BCAP31: variants seen among roughly 807,000 people sequenced by gnomAD.
BCAP31 encodes the protein B cell receptor associated protein 31, also known as B-cell receptor-associated protein 31.
For synonymous variants in BCAP31, 75 were observed against 80.9 expected, an observed-to-expected ratio of 0.93 and a Z score of 0.39; for missense variants, 124 against 193.0, an observed-to-expected ratio of 0.64 and a Z score of 2.12.
At chrX:153,714,515 CCT>C (rs2091613613) in intron 4 of BCAP31, among the ~76,000 whole-genome samples, 1 of 111,297 alleles carries the variant, frequency 9.0e-6, no homozygotes, top group Non-Finnish European at 1.9e-5. Context: ...TAGCTCCACC[CCT>C]CTTTCCAACT....
intron 3 of BCAP31, among the ~76,000 whole-genome samples, chrX:153,717,970 C>T (rs1454831340): frequency 8.9e-6 from 1 of 111,901 alleles, no homozygotes; most frequent in Non-Finnish European, 1.9e-5. Context: ...TGGATTACGG[C>T]ACAACCACAT....
intron 4 of BCAP31, among the ~76,000 whole-genome samples, chrX:153,714,206 C>T (rs1169509069): frequency 1.9e-5 from 2 of 106,168 alleles, no homozygotes; most frequent in Non-Finnish European, 3.9e-5. Flanking sequence ...TCTTAAAGCT[C>T]TAGATGCTTT....
chrX:153,711,475 C>G (rs781939204), intron 4 of BCAP31, among the ~76,000 whole-genome samples: 13 of 112,556 alleles, frequency 1.2e-4, no homozygotes, highest in African/African-American at 3.2e-4. Flanking sequence ...CTCTACCACG[C>G]AGAAAAGTTG....
intron 5 of BCAP31, among the ~76,000 whole-genome samples, chrX:153,703,723 G>C (rs1459381436): frequency 1.8e-5 from 2 of 112,339 alleles, no homozygotes; most frequent in African/African-American, 6.5e-5. Flanking sequence ...TGGAAGCAGT[G>C]GATGGAAACG....
intron 4 of BCAP31, chrX:153,705,077 T>G (rs2091545271): frequency 8.9e-6 from 1 of 112,268 alleles, no homozygotes; most frequent in Admixed American, 9.4e-5. Context: ...CTCACACACC[T>G]CAGAAGGCAA....
Position 153,700,539 on chromosome X carries a change from G to A in BCAP31, c.*398C>T, listed in dbSNP as rs1489404194. ...TTTATTGCCCTCAAGAGAAACTCCA[G>A]TCCACCTGCTCCACCCACCCTCCTG... On this transcript the variant is annotated 3_prime_UTR_variant, in exon 8 of 8. Coordinates refer to ENST00000345046, the MANE Select transcript of BCAP31 (RefSeq NM_001256447.2). 1 of 154,252 alleles carries A rather than the reference G, an allele frequency of 6.5e-6. No individual in the cohort carries two copies. Among genetic ancestry groups the A allele is most frequent in the Non-Finnish European group, 1.2e-5 (1 of 81,571 alleles). 12.7% of individuals were successfully genotyped at this position (154,252 alleles called of 1,213,427 possible). A position where few individuals can be genotyped will look rare whatever the true frequency, so the allele number is the denominator to read the frequency against.
chrX:153,711,301 C>G (rs1423286058), intron 4 of BCAP31, among the ~76,000 whole-genome samples: 1 of 112,212 alleles, frequency 8.9e-6, no homozygotes, highest in Non-Finnish European at 1.9e-5. Flanking sequence ...TACCACTGTA[C>G]CACTGCCCCC....
Position 153,720,746 on chromosome X carries a change from A to T in BCAP31, c.193+126T>A, listed in dbSNP as rs2091659299. The T allele has an allele frequency of 5.3e-6, 3 of 561,069 alleles. No homozygotes were observed. In the African/African-American group the frequency reaches 6.9e-5, roughly 13 times the overall value. 46.2% of individuals were successfully genotyped at this position (561,069 alleles called of 1,213,427 possible). A position where few individuals can be genotyped will look rare whatever the true frequency, so the allele number is the denominator to read the frequency against. ...CTCTTCCCTCCCTCAAGAGAAAGAC[A>T]CAGCATTTCATTGGTCTGTCTCCTA... On this transcript the variant is annotated intron_variant, in intron 3 of 7. Transcript: ENST00000345046.
chrX:153,720,387 G>T (rs1240199044), intron 3 of BCAP31, among the ~76,000 whole-genome samples: 1 of 104,929 alleles, frequency 9.5e-6, no homozygotes, highest in Non-Finnish European at 2.0e-5. Flanking sequence ...TTTTTGAGAT[G>T]GAGTCTCCCT....
At chrX:153,707,385 G>C (rs1325325483) in intron 4 of BCAP31, among the ~76,000 whole-genome samples, 22 of 110,555 alleles carry the variant, frequency 2.0e-4, no homozygotes, top group African/African-American at 6.9e-4. Context: ...AAAAAAAAAG[G>C]GGGGGAGGGC....
intron 3 of BCAP31, among the ~76,000 whole-genome samples, chrX:153,719,016 T>G (rs1557050570): frequency 4.5e-5 from 5 of 112,266 alleles, no homozygotes. Flanking sequence ...TTCTAGATTA[T>G]GCTTCTTAAC....
chrX:153,702,087 G>C lies in BCAP31; in HGVS notation c.622C>G (p.Gln208Glu). 1.2e-5 allele frequency: 14 copies of C among 1,208,050 alleles called. No individual in the cohort carries two copies. Among genetic ancestry groups the C allele is most frequent in the Non-Finnish European group, 1.6e-5 (14 of 892,520 alleles). ...TKQKLEKAEN[Q>E]VLAMRKQSEG... is the part of the protein sequence containing the mutation. ...GACTGCTTCCGCATGGCCAGAACCTGGTTTTCAGCTTTCTCTAGTTCTTGA... is the reference window on the plus strand; with the variant it reads ...GACTGCTTCCGCATGGCCAGAACCTCGTTTTCAGCTTTCTCTAGTTCTTGA... Residue 208 changes from glutamine (Q) to glutamate (E), a missense_variant, in exon 7 of 8, where the codon CAG becomes GAG. Gln to Glu is a conservative substitution (Grantham distance 29). Coordinates refer to ENST00000345046, the MANE Select transcript of BCAP31 (RefSeq NM_001256447.2).
chrX:153,720,082 G>A (rs2091654315), intron 3 of BCAP31, among the ~76,000 whole-genome samples: 1 of 111,760 alleles, frequency 8.9e-6, no homozygotes, highest in African/African-American at 3.3e-5. Flanking sequence ...TACTACTACA[G>A]GGAATGGCAG....
intron 4 of BCAP31, among the ~76,000 whole-genome samples, chrX:153,707,688 C>A (rs1175872423): frequency 1.8e-5 from 2 of 112,452 alleles, no homozygotes; most frequent in Non-Finnish European, 3.8e-5. Context: ...TTCACTGCCG[C>A]GACCTGAAGG....
At chrX:153,709,709 G>C (rs2091577013) in intron 4 of BCAP31, among the ~76,000 whole-genome samples, 1 of 113,019 alleles carries the variant, frequency 8.8e-6, no homozygotes, top group African/African-American at 3.2e-5. Flanking sequence ...GAAAAGCTGG[G>C]CTTCTTGGCT....
At chrX:153,711,686 A>T (rs1316406147) in intron 4 of BCAP31, among the ~76,000 whole-genome samples, 1 of 111,117 alleles carries the variant, frequency 9.0e-6, no homozygotes, top group Non-Finnish European at 1.9e-5. Flanking sequence ...GGCAGATCAC[A>T]TGAGGCCAGG....
rs782373950 is a variant in BCAP31, at chrX:153,706,045, G to A, written c.342-1951C>T. ...GGCCAGGGCATACACAAAGTCCAGC[G>A]CAAGATCCACGCTGTGTGTGTCCGA... is the stretch of plus-strand genomic sequence containing the variant. On this transcript the variant is annotated intron_variant, in intron 4 of 7. Transcript: ENST00000345046. 3.3e-4 allele frequency among the ~76,000 whole-genome samples: 37 copies of A among 111,776 alleles called. 1 individual carries two copies. In the South Asian group the frequency reaches 0.012, roughly 35 times the overall value.
At position 153,714,000 on chromosome X, in the gene BCAP31, G is replaced by A. The variant is rs922894542; in HGVS notation, c.341+1542C>T. On this transcript the variant is annotated intron_variant, in intron 4 of 7. Transcript: ENST00000345046. ...AGCAATTCTCCTGCCTCAGCCTCCC[G>A]AGTAGCTGGCACTACAGGCACCTAC... 7.3e-5 allele frequency among the ~76,000 whole-genome samples: 7 copies of A among 95,945 alleles called. No homozygotes were observed. In the East Asian group the frequency reaches 1.8e-3, roughly 24 times the overall value. 83.3% of individuals were successfully genotyped at this position (95,945 alleles called of 115,157 possible). A position where few individuals can be genotyped will look rare whatever the true frequency, so the allele number is the denominator to read the frequency against.
At chrX:153,710,762 G>A (rs1557049042) in intron 4 of BCAP31, among the ~76,000 whole-genome samples, 1 of 111,608 alleles carries the variant, frequency 9.0e-6, no homozygotes, top group East Asian at 2.8e-4. Context: ...TGTGTTCTGA[G>A]CCCAGTCCCG....
Sources: gnomAD v4.1 joint callset for allele counts (sites outside exome capture counted in the v4.1 genomes callset) on GRCh38, gnomAD v4.1.1 for gene constraint, MANE v1.5 for transcripts, NCBI Gene and HGNC (gene_info 2026-07-23, HGNC 2026-07-21) for gene names.